The following ASAP1 variants were observed in gnomAD, a reference collection of about 807,000 sequenced individuals.
ASAP1 encodes ArfGAP with SH3 domain, ankyrin repeat and PH domain 1, also known as arf-GAP with SH3 domain, ANK repeat and PH domain-containing protein 1.
In ASAP1, 43 loss-of-function variants were observed where a neutral mutation model predicts 145.2. The ratio of observed to expected loss-of-function variants is 0.30; its 90% confidence interval spans 0.23 to 0.38. The LOEUF (loss-of-function observed/expected upper bound fraction) is 0.38. Ranked by LOEUF, ASAP1 falls within the 10% of genes least tolerant of loss-of-function variation. ASAP1 has a pLI of 1.00. For synonymous variants in ASAP1, 546 were observed against 515.5 expected (o/e 1.06, Z -0.80); for missense variants, 1,018 against 1,355.3 (o/e 0.75, Z 3.91).
At chr8:130,292,323 A>G (rs961283662) in intron 3 of ASAP1, among the ~76,000 whole-genome samples, 8 of 152,188 alleles carry the variant, frequency 5.3e-5, no homozygotes, top group Non-Finnish European at 1.5e-5. Context: ...TGTGGGTAAT[A>G]AGATGTGCAG....
intron 24 of ASAP1, among the ~76,000 whole-genome samples, chr8:130,106,422 A>T (rs1410009356): frequency 1.3e-5 from 2 of 152,192 alleles, no homozygotes; most frequent in Non-Finnish European, 2.9e-5. Flanking sequence ...TATACTGAGC[A>T]AGTCTTCACC....
chr8:130,164,634 T>A (rs906866600), intron 11 of ASAP1, among the ~76,000 whole-genome samples: 4 of 152,158 alleles, frequency 2.6e-5, no homozygotes, highest in African/African-American at 9.7e-5. Flanking sequence ...AACAGTTATA[T>A]AGCAAATAGT....
At chr8:130,353,029 C>A (rs1011707029) in intron 3 of ASAP1, among the ~76,000 whole-genome samples, 1 of 152,204 alleles carries the variant, frequency 6.6e-6, no homozygotes, top group Non-Finnish European at 1.5e-5. Context: ...ACATAGGAGG[C>A]ACTGAACAAT....
At chr8:130,318,703 G>A (rs1267302987) in intron 3 of ASAP1, among the ~76,000 whole-genome samples, 1 of 152,142 alleles carries the variant, frequency 6.6e-6, no homozygotes, top group African/African-American at 2.4e-5. Context: ...CTTTCCCAAG[G>A]CCTTAAAACT....
chr8:130,338,792 C>G (rs1317984699), intron 3 of ASAP1, among the ~76,000 whole-genome samples: 1 of 152,238 alleles, frequency 6.6e-6, no homozygotes, highest in Admixed American at 6.5e-5. Flanking sequence ...AGCAGAAATT[C>G]TGACTTCCTA....
At chr8:130,174,394 A>G (rs757363066) in intron 9 of ASAP1, among the ~76,000 whole-genome samples, 2 of 152,252 alleles carry the variant, frequency 1.3e-5, no homozygotes, top group African/African-American at 2.4e-5. Flanking sequence ...TGTCTCATTT[A>G]TCTCTTAGCC....
rs1467071584 is a variant in ASAP1, at chr8:130,256,415, C to T, written c.187-19421G>A. ...TGCAGAGGATCTGGGGGGTGGGGGG[C>T]GGTGGGGGAACTTCCATCACCACTC... On this transcript the variant is annotated intron_variant, in intron 3 of 29. Coordinates refer to ENST00000518721, the MANE Select transcript of ASAP1 (RefSeq NM_018482.4). Among the ~76,000 whole-genome samples the T allele has an allele frequency of 2.4e-4, 29 of 120,362 alleles. No homozygotes were observed. In the South Asian group the frequency reaches 3.1e-3, roughly 13 times the overall value. 79.0% of individuals were successfully genotyped at this position (120,362 alleles called of 152,430 possible). A position where few individuals can be genotyped will look rare whatever the true frequency, so the allele number is the denominator to read the frequency against.
At chr8:130,213,185 G>C (rs1461719939) in intron 5 of ASAP1, among the ~76,000 whole-genome samples, 1 of 152,164 alleles carries the variant, frequency 6.6e-6, no homozygotes, top group African/African-American at 2.4e-5. Flanking sequence ...AGAAACATTA[G>C]AGCCAAAGTT....
At chr8:130,088,787 T>C (rs2097499399) in intron 25 of ASAP1, among the ~76,000 whole-genome samples, 1 of 152,224 alleles carries the variant, frequency 6.6e-6, no homozygotes, top group Non-Finnish European at 1.5e-5. Context: ...GTAGCTATCA[T>C]TTATTGGGTG....
At chr8:130,123,613 C>T (rs1309481067) in intron 18 of ASAP1, among the ~76,000 whole-genome samples, 1 of 146,798 alleles carries the variant, frequency 6.8e-6, no homozygotes, top group Non-Finnish European at 1.5e-5. Flanking sequence ...CAAACAAACA[C>T]TGTAAAAAAC....
intron 24 of ASAP1, among the ~76,000 whole-genome samples, chr8:130,097,639 G>A (rs2097521345): frequency 6.6e-6 from 1 of 152,216 alleles, no homozygotes; most frequent in Admixed American, 6.5e-5. Context: ...CCCAGGCAGT[G>A]TATTGCAGAA....
intron 4 of ASAP1, among the ~76,000 whole-genome samples, chr8:130,235,228 A>G (rs962212399): frequency 4.6e-5 from 7 of 152,088 alleles, no homozygotes; most frequent in Non-Finnish European, 1.0e-4. Flanking sequence ...TATTTAATAA[A>G]TCCCTTTTAT....
intron 1 of ASAP1, among the ~76,000 whole-genome samples, chr8:130,417,217 C>A (rs574823162): frequency 1.7e-5 from 2 of 120,292 alleles, no homozygotes; most frequent in African/African-American, 5.8e-5. Flanking sequence ...AAACAACCCA[C>A]GTACAACTGC....
chr8:130,184,439 G>C (rs890460948), intron 7 of ASAP1, among the ~76,000 whole-genome samples: 10 of 152,174 alleles, frequency 6.6e-5, no homozygotes, highest in African/African-American at 2.4e-4. Context: ...CAGGCAGAAG[G>C]CCACTGTGTT....
intron 2 of ASAP1, among the ~76,000 whole-genome samples, chr8:130,373,278 A>T (rs1827317934): frequency 6.6e-6 from 1 of 151,878 alleles, no homozygotes; most frequent in South Asian, 2.1e-4. Context: ...TCACAGGTGC[A>T]CCCTCTGAGC....
intron 3 of ASAP1, among the ~76,000 whole-genome samples, chr8:130,304,877 C>A (rs1350925722): frequency 2.6e-5 from 4 of 152,158 alleles, no homozygotes; most frequent in Non-Finnish European, 5.9e-5. Flanking sequence ...AAACCCAAAA[C>A]AACAAAACTC....
At chr8:130,332,006 AT>A (rs1392659847) in intron 3 of ASAP1, among the ~76,000 whole-genome samples, 1 of 152,222 alleles carries the variant, frequency 6.6e-6, no homozygotes, top group African/African-American at 2.4e-5. Flanking sequence ...AATACACAAA[AT>A]TACAGGGCTT....
chr8:130,269,205 C>T (rs1167365293), intron 3 of ASAP1, among the ~76,000 whole-genome samples: 1 of 152,152 alleles, frequency 6.6e-6, no homozygotes. Flanking sequence ...GTCTAGGATG[C>T]ATTCTTTAGA....
intron 3 of ASAP1, among the ~76,000 whole-genome samples, chr8:130,237,233 C>T (rs1162451285): frequency 6.6e-6 from 1 of 152,042 alleles, no homozygotes; most frequent in African/African-American, 2.4e-5. Context: ...GCATTTTAGT[C>T]AGTCAATTAT....
Sources: allele counts gnomAD v4.1 joint callset (sites outside exome capture counted in the v4.1 genomes callset), GRCh38; gene constraint gnomAD v4.1.1; transcripts MANE v1.5; gene names NCBI Gene and HGNC (gene_info 2026-07-23, HGNC 2026-07-21).